The following EDIL3 variants were observed in gnomAD, a reference collection of about 807,000 sequenced individuals.
EDIL3 encodes the protein EGF-like repeat and discoidin I-like domain-containing protein 3.
EDIL3 carries 37 observed loss-of-function variants against 67.4 expected under a neutral mutation model. The observed-to-expected ratio is 0.55, with a 90% CI of 0.42 to 0.72. EDIL3 has a LOEUF of 0.72. EDIL3 is among the 30% of genes least tolerant of loss of function. EDIL3 has a pLI of 0.00. For synonymous variants in EDIL3, 195 were observed against 196.3 expected, an observed-to-expected ratio of 0.99 and a Z score of 0.05; for missense variants, 527 against 586.3, an observed-to-expected ratio of 0.90 and a Z score of 1.04.
chr5:83,974,981 G>A (rs188200858), intron 9 of EDIL3, among the ~76,000 whole-genome samples: 16 of 151,982 alleles, frequency 1.1e-4, no homozygotes, highest in Middle Eastern at 3.4e-3. Flanking sequence ...TATAGAACCA[G>A]ATGTTGAATG....
intron 1 of EDIL3, among the ~76,000 whole-genome samples, chr5:84,296,968 G>A (rs1211199370): frequency 1.3e-5 from 2 of 152,076 alleles, no homozygotes; most frequent in African/African-American, 2.4e-5. Flanking sequence ...GGATCACGAG[G>A]TCAGGAGATC....
At chr5:84,189,690 G>T (rs902011305) in intron 3 of EDIL3, among the ~76,000 whole-genome samples, 4 of 151,822 alleles carry the variant, frequency 2.6e-5, no homozygotes, top group Non-Finnish European at 5.9e-5. Context: ...GAAATTCTCA[G>T]CTCAGAATGT....
chr5:84,026,085 T>C (rs1745805045), intron 9 of EDIL3, among the ~76,000 whole-genome samples: 1 of 152,178 alleles, frequency 6.6e-6, no homozygotes, highest in Non-Finnish European at 1.5e-5. Flanking sequence ...GGGGACTGGT[T>C]AGAAATGCAG....
intron 1 of EDIL3, among the ~76,000 whole-genome samples, chr5:84,379,180 T>C (rs1371912475): frequency 6.6e-6 from 1 of 152,154 alleles, no homozygotes; most frequent in Non-Finnish European, 1.5e-5. Context: ...TAATGGTGAA[T>C]CTGTAACATA....
Position 84,200,215 on chromosome 5 carries a change from T to C in EDIL3, c.227-19694A>G, listed in dbSNP as rs115310395. Among the ~76,000 whole-genome samples, 1,060 of 152,222 alleles carry C rather than the reference T, an allele frequency of 7.0e-3. 11 individuals carry two copies. Among genetic ancestry groups the C allele is most frequent in the African/African-American group, 0.024 (991 of 41,556 alleles). The stretch of plus-strand genomic sequence containing the variant: ...AACACCAACATGGCACATGTATACA[T>C]ACATAATAAACCTGCACGTTGTGCA... On this transcript the variant is annotated intron_variant, in intron 3 of 10. Coordinates refer to ENST00000296591, the MANE Select transcript of EDIL3 (RefSeq NM_005711.5).
At chr5:84,060,581 T>C (rs570799383) in intron 8 of EDIL3, 97 bp from the exon 9 acceptor site, 3 of 1,268,016 alleles carry the variant, frequency 2.4e-6, no homozygotes, top group East Asian at 2.5e-5. Context: ...TTAAACATAA[T>C]GCTATTCATT....
intron 4 of EDIL3, among the ~76,000 whole-genome samples, chr5:84,170,808 A>G (rs963449398): frequency 6.6e-6 from 1 of 151,966 alleles, no homozygotes; most frequent in Non-Finnish European, 1.5e-5. Flanking sequence ...TAATTTATTT[A>G]TTTACAGACA....
intron 6 of EDIL3, among the ~76,000 whole-genome samples, chr5:84,106,423 C>A (rs1747461550): frequency 2.0e-5 from 3 of 151,990 alleles, no homozygotes; most frequent in Admixed American, 6.6e-5. Flanking sequence ...GATATTTATA[C>A]CTGAATATTT....
At chr5:84,104,582 A>C (rs1747425232) in intron 6 of EDIL3, among the ~76,000 whole-genome samples, 1 of 151,980 alleles carries the variant, frequency 6.6e-6, no homozygotes, top group East Asian at 1.9e-4. Context: ...TGTTTACTTT[A>C]GCTGTTTTTC....
chr5:84,312,359 C>CA (rs1429462769), intron 1 of EDIL3, among the ~76,000 whole-genome samples: 2 of 143,408 alleles, frequency 1.4e-5, no homozygotes, highest in South Asian at 2.2e-4. Context: ...CCCTCCCGGA[C>CA]GGGGCGGCTG....
At chr5:84,119,337 T>A (rs184295520) in intron 5 of EDIL3, among the ~76,000 whole-genome samples, 1 of 150,998 alleles carries the variant, frequency 6.6e-6, no homozygotes, top group Non-Finnish European at 1.5e-5. Flanking sequence ...CGATTATTAA[T>A]CATGAGCTGT....
chr5:84,103,620 C>G (rs892529108), intron 6 of EDIL3, among the ~76,000 whole-genome samples: 1 of 151,808 alleles, frequency 6.6e-6, no homozygotes, highest in Non-Finnish European at 1.5e-5. Context: ...GAAAAAAACC[C>G]TCAAAATCAG....
intron 1 of EDIL3, among the ~76,000 whole-genome samples, chr5:84,300,251 A>G (rs1746129189): frequency 6.6e-6 from 1 of 152,028 alleles, no homozygotes; most frequent in Non-Finnish European, 1.5e-5. Flanking sequence ...CTCTTTGACT[A>G]TTCTCCCATA....
chr5:84,324,390 T>A (rs778963039), intron 1 of EDIL3, among the ~76,000 whole-genome samples: 5 of 151,704 alleles, frequency 3.3e-5, no homozygotes, highest in Admixed American at 6.6e-5. Context: ...AAATCACACA[T>A]CAAAATTTGG....
intron 3 of EDIL3, among the ~76,000 whole-genome samples, chr5:84,197,547 T>A: frequency 6.6e-6 from 1 of 151,820 alleles, no homozygotes; most frequent in East Asian, 1.9e-4. Flanking sequence ...TATTCCCAGT[T>A]ACTTGGGAGG....
chr5:84,142,375 C>A (rs1000008048), intron 4 of EDIL3, among the ~76,000 whole-genome samples: 1 of 151,992 alleles, frequency 6.6e-6, no homozygotes, highest in East Asian at 1.9e-4. Flanking sequence ...TCCCAGGAAT[C>A]TCCATCTCTG....
intron 1 of EDIL3, among the ~76,000 whole-genome samples, chr5:84,282,513 C>T (rs1745725056): frequency 6.6e-6 from 1 of 152,102 alleles, no homozygotes; most frequent in Non-Finnish European, 1.5e-5. Context: ...TCTTCATTCT[C>T]CTGTTTACAG....
chr5:84,274,625 A>G (rs1480854328), intron 1 of EDIL3, among the ~76,000 whole-genome samples: 2 of 152,140 alleles, frequency 1.3e-5, no homozygotes, highest in Non-Finnish European at 2.9e-5. Context: ...ATGTGGAATA[A>G]TTTTTTTAAT....
Position 84,106,762 on chromosome 5 carries a change from G to A in EDIL3, c.538C>T (p.His180Tyr), listed in dbSNP as rs1252992814. 3.1e-6 allele frequency: 5 copies of A among 1,613,524 alleles called. No individual in the cohort carries two copies. In the East Asian group the frequency reaches 6.7e-5, roughly 22 times the overall value. ...TTTTGGAGTCCAAAAAGAGCTCGGT[G>A]AGTAGAGGAAGCTGTGATTTGCTGG... Reference protein sequence around the residue: ...SNQQITASSTHRALFGLQKWY... With the variant: ...SNQQITASSTYRALFGLQKWY... The change falls in exon 6 of 11, where the codon CAC (histidine) becomes TAC (tyrosine). Residue 180 changes from histidine (H) to tyrosine (Y), a missense_variant. Physicochemically the swap from His to Tyr is moderately conservative, Grantham distance 83. This residue lies in a region of EDIL3 where 494 missense variants were observed against 522.5 expected (regional missense o/e 0.95). Coordinates refer to ENST00000296591, the MANE Select transcript of EDIL3 (RefSeq NM_005711.5).
Sources: allele counts gnomAD v4.1 joint callset (sites outside exome capture counted in the v4.1 genomes callset), GRCh38; gene constraint gnomAD v4.1.1; regional missense constraint gnomAD v4.1.1; transcripts MANE v1.5; gene names NCBI Gene and HGNC (gene_info 2026-07-23, HGNC 2026-07-21).